The following TRIM42 variants were observed in gnomAD, a reference collection of about 807,000 sequenced individuals.
TRIM42 encodes the protein tripartite motif-containing protein 42.
A neutral mutation model predicts 64.9 loss-of-function variants in TRIM42; 59 were observed. The observed-to-expected ratio is 0.91, with a 90% CI of 0.74 to 1.13. The LOEUF is 1.13. Among genes scored for constraint, TRIM42 ranks in the 50% most tolerant of loss-of-function variants. The pLI is 0.00. For synonymous variants in TRIM42, 354 were observed against 346.3 expected (o/e 1.02, Z -0.25); for missense variants, 878 against 929.5 (o/e 0.94, Z 0.72).
At chr3:140,692,563 A>ACACACAGC (rs1553763787) in intron 4 of TRIM42, among the ~76,000 whole-genome samples, 89 of 40,346 alleles carry the variant, frequency 2.2e-3, no homozygotes, top group South Asian at 5.3e-3. Context: ...ACACACACAC[A>ACACACAGC]GAGAGAGATA....
At chr3:140,688,604 G>A (rs1988626939) in intron 3 of TRIM42, 62 bp downstream of exon 3, 1 of 1,385,708 alleles carries the variant, frequency 7.2e-7, no homozygotes, top group African/African-American at 1.4e-5. Flanking sequence ...GTAGAAGTGA[G>A]TAGTCAGGAA....
intron 4 of TRIM42, among the ~76,000 whole-genome samples, chr3:140,694,035 G>A (rs367828680): frequency 1.1e-4 from 16 of 152,276 alleles, no homozygotes; most frequent in African/African-American, 3.9e-4. Context: ...ATAGAAGGAT[G>A]AGTTGAGTGG....
Position 140,688,054 on chromosome 3 carries a change from C to G in TRIM42, c.1372C>G (p.Gln458Glu), listed in dbSNP as rs555181555. The change falls in exon 3 of 5, where the codon CAG becomes GAG. Residue 458 changes from glutamine to glutamate, a missense_variant. Coordinates refer to ENST00000286349, the MANE Select transcript of TRIM42 (RefSeq NM_152616.5). Reference sequence around the variant, plus strand: ...GGTGGACCAGATCGAGGACGGCATCCAGACCACCTACAGGCCTGACCCACA... The same window carrying G: ...GGTGGACCAGATCGAGGACGGCATCGAGACCACCTACAGGCCTGACCCACA... ...ILVDQIEDGIQTTYRPDPQLR... is the reference protein window; with the variant it reads ...ILVDQIEDGIETTYRPDPQLR... The G allele has an allele frequency of 6.2e-7, 1 of 1,614,200 alleles. No homozygotes were observed. Among genetic ancestry groups the G allele is most frequent in the South Asian group, 1.1e-5 (1 of 91,082 alleles).
In TRIM42 at chr3:140,678,382, G is replaced by T. The variant is rs772486007; in HGVS notation, c.153G>T (p.Gln51His). ...PCPYKDERNC[Q>H]FCHCTCSESP... Reference sequence around the variant, plus strand: ...CTTACAAAGATGAGCGGAACTGCCAGTTCTGCCACTGCACCTGTTCTGAGA... The same window carrying T: ...CTTACAAAGATGAGCGGAACTGCCATTTCTGCCACTGCACCTGTTCTGAGA... Residue 51 changes from glutamine (Q) to histidine (H), a missense_variant, in exon 1 of 5, where the codon CAG (glutamine) becomes CAT (histidine). Gln to His is a conservative substitution (Grantham distance 24). Coordinates refer to ENST00000286349, the MANE Select transcript of TRIM42 (RefSeq NM_152616.5). 19 of 1,614,192 alleles carry T rather than the reference G, an allele frequency of 1.2e-5. No individual in the cohort carries two copies. The highest frequency in any genetic ancestry group is 1.6e-5 in the Non-Finnish European group (19 of 1,180,026).
At chr3:140,688,579 G>A (rs767542118) in intron 3 of TRIM42, 37 bp downstream of exon 3, 7 of 1,535,050 alleles carry the variant, frequency 4.6e-6, no homozygotes, top group East Asian at 4.5e-5. Flanking sequence ...GAAGTGGGAG[G>A]GTGTGGGGCA....
intron 1 of TRIM42, among the ~76,000 whole-genome samples, chr3:140,681,058 T>C (rs1392918132): frequency 2.0e-5 from 3 of 152,272 alleles, no homozygotes; most frequent in Admixed American, 6.5e-5. Flanking sequence ...CATTTATTTT[T>C]ATACACTGCA....
chr3:140,689,709 G>A (rs1421973614), intron 3 of TRIM42, among the ~76,000 whole-genome samples: 3 of 151,614 alleles, frequency 2.0e-5, no homozygotes, highest in Non-Finnish European at 4.4e-5. Context: ...CACTCCATGA[G>A]CTATCGACAT....
intron 4 of TRIM42, among the ~76,000 whole-genome samples, chr3:140,694,360 A>G (rs1988797449): frequency 6.6e-6 from 1 of 152,194 alleles, no homozygotes; most frequent in Admixed American, 6.5e-5. Flanking sequence ...AGCTTCTAAC[A>G]TCAAAGAGCC....
intron 2 of TRIM42, among the ~76,000 whole-genome samples, chr3:140,683,848 T>C (rs1988482268): frequency 6.6e-6 from 1 of 152,218 alleles, no homozygotes; most frequent in Non-Finnish European, 1.5e-5. Flanking sequence ...TATTGTTACA[T>C]ATAATATTGC....
In TRIM42 at chr3:140,688,042, G is replaced by C; in HGVS notation, c.1360G>C (p.Glu454Gln). The change falls in exon 3 of 5, where the codon GAG becomes CAG. Residue 454 changes from glutamate (E) to glutamine (Q), a missense_variant. Physicochemically the swap from Glu to Gln is conservative, Grantham distance 29. Coordinates refer to ENST00000286349, the MANE Select transcript of TRIM42 (RefSeq NM_152616.5). ...AGCCAAGATCCTGGTGGACCAGATC[G>C]AGGACGGCATCCAGACCACCTACAG... ...QSAKILVDQI[E>Q]DGIQTTYRPD... 6.2e-7 allele frequency: 1 copy of C among 1,614,182 alleles called. No homozygotes were observed. The highest frequency in any genetic ancestry group is 8.5e-7 in the Non-Finnish European group (1 of 1,180,038).
In TRIM42 at chr3:140,679,054, A is replaced by ACCCC. The variant is rs61681806; in HGVS notation, c.341+489_341+492dup. On this transcript the variant is annotated intron_variant, in intron 1 of 4. Transcript: ENST00000286349. ...TGCTGTATTGCAAAACGGAGACAAT[A>ACCCC]CCCCCCCCATGATATTGTAGATATA... Among the ~76,000 whole-genome samples the ACCCC allele has an allele frequency of 2.7e-4, 41 of 150,762 alleles. 1 individual carries two copies. The highest frequency in any genetic ancestry group is 6.6e-5 in the Admixed American group (1 of 15,108).
chr3:140,687,178 G>T (rs114562391), intron 2 of TRIM42, among the ~76,000 whole-genome samples: 1 of 152,086 alleles, frequency 6.6e-6, no homozygotes, highest in African/African-American at 2.4e-5. Context: ...AGGGACAAAG[G>T]GGGGAAAAGG....
chr3:140,691,266 T>C, intron 4 of TRIM42, 74 bp downstream of exon 4: 1 of 1,269,192 alleles, frequency 7.9e-7, no homozygotes, highest in Non-Finnish European at 1.1e-6. Flanking sequence ...GTTAAGATGA[T>C]CGTGAGATTA....
At chr3:140,683,305 C>T in intron 2 of TRIM42, 146 bp downstream of exon 2, 1 of 854,688 alleles carries the variant, frequency 1.2e-6, no homozygotes, top group Non-Finnish European at 1.8e-6. Flanking sequence ...TGCTACCCTG[C>T]AAGTCACTAT....
chr3:140,681,706 T>C (rs1203547804), intron 1 of TRIM42, among the ~76,000 whole-genome samples: 2 of 152,110 alleles, frequency 1.3e-5, no homozygotes, highest in East Asian at 1.9e-4. Flanking sequence ...ATTGACTCAT[T>C]GCAACAAGTG....
At position 140,682,758 on chromosome 3, in the gene TRIM42, G is replaced by T. The variant is rs777678502; in HGVS notation, c.638G>T (p.Arg213Leu). ...CTGCCCGAGAACTACCTGCACGGGC[G>T]TCTCACCAAGCGCTACATGCAGGAG... ...MQLPENYLHG[R>L]LTKRYMQEHG... Residue 213 changes from arginine (R) to leucine (L), a missense_variant, in exon 2 of 5, where the codon CGT (arginine) becomes CTT (leucine). Transcript: ENST00000286349. The T allele has an allele frequency of 1.2e-6, 2 of 1,612,996 alleles. No individual in the cohort carries two copies. The highest frequency in any genetic ancestry group is 2.2e-5 in the East Asian group (1 of 44,886).
rs1373669382 is a variant in TRIM42 at position 140,688,326 on chromosome 3, G to C, written c.1644G>C (p.Lys548Asn). The change falls in exon 3 of 5, where the codon AAG (lysine) becomes AAC (asparagine). Residue 548 changes from lysine to asparagine, a missense_variant. Coordinates refer to ENST00000286349, the MANE Select transcript of TRIM42 (RefSeq NM_152616.5). ...SMLSFSNTDK[K>N]AKVGLEACGR... ...TGTCCTTCAGCAACACTGACAAGAA[G>C]GCCAAGGTGGGTCTGGAGGCCTGTG... 1 of 1,614,212 alleles carries C rather than the reference G, an allele frequency of 6.2e-7. No individual in the cohort carries two copies. The highest frequency in any genetic ancestry group is 8.5e-7 in the Non-Finnish European group (1 of 1,180,036).
At chr3:140,690,747 G>A (rs111854659) in intron 3 of TRIM42, among the ~76,000 whole-genome samples, 4 of 151,808 alleles carry the variant, frequency 2.6e-5, no homozygotes, top group African/African-American at 9.7e-5. Flanking sequence ...GTAACAGAAC[G>A]GAAACCTTCT....
Position 140,682,809 on chromosome 3 carries a change from A to C in TRIM42, c.689A>C (p.Asp230Ala), listed in dbSNP as rs755675533. The C allele has an allele frequency of 6.2e-7, 1 of 1,613,996 alleles. No individual in the cohort carries two copies. Among genetic ancestry groups the C allele is most frequent in the East Asian group, 2.2e-5 (1 of 44,878 alleles). Residue 230 changes from aspartate to alanine, a missense_variant, in exon 2 of 5, where the codon GAC (aspartate) becomes GCC (alanine). Transcript: ENST00000286349. Reference sequence around the variant, plus strand: ...CACGGCTACCTCAAGTGGCGCTTTGACCGCTCCTCCGGGCCCATCCTCTGC... The same window carrying C: ...CACGGCTACCTCAAGTGGCGCTTTGCCCGCTCCTCCGGGCCCATCCTCTGC... ...QEHGYLKWRFDRSSGPILCQV... is the reference protein window; with the variant it reads ...QEHGYLKWRFARSSGPILCQV...
Sources: allele counts gnomAD v4.1 joint callset (sites outside exome capture counted in the v4.1 genomes callset), GRCh38; gene constraint gnomAD v4.1.1; transcripts MANE v1.5; gene names NCBI Gene and HGNC (gene_info 2026-07-23, HGNC 2026-07-21).